The following SNAP91 variants were observed in gnomAD, a reference collection of about 807,000 sequenced individuals.
The protein encoded by SNAP91 is clathrin coat assembly protein AP180.
In SNAP91, 27 loss-of-function variants were observed where a neutral mutation model predicts 100.3. That is an observed-to-expected ratio of 0.27 (90% CI 0.20 to 0.37). The LOEUF is 0.37. SNAP91 is among the 10% of genes least tolerant of loss of function. The pLI is 1.00. For missense variants in SNAP91, 986 were observed against 1,123.7 expected, an observed-to-expected ratio of 0.88 and a Z score of 1.75; for synonymous variants, 404 against 398.6, an observed-to-expected ratio of 1.01 and a Z score of -0.16.
intron 8 of SNAP91, among the ~76,000 whole-genome samples, chr6:83,626,979 T>C (rs1191040083): frequency 6.6e-6 from 1 of 152,128 alleles, no homozygotes; most frequent in East Asian, 1.9e-4. Flanking sequence ...CAGTGTGATG[T>C]TGGCTGTGGG....
At chr6:83,606,908 G>A (rs1348896352) in intron 13 of SNAP91, among the ~76,000 whole-genome samples, 1 of 152,172 alleles carries the variant, frequency 6.6e-6, no homozygotes, top group Admixed American at 6.5e-5. Flanking sequence ...ATAGAAAGGA[G>A]TTGGTTATGC....
chr6:83,643,785 C>T (rs1220634078), intron 7 of SNAP91, among the ~76,000 whole-genome samples: 1 of 152,074 alleles, frequency 6.6e-6, no homozygotes, highest in Non-Finnish European at 1.5e-5. Flanking sequence ...TTACATGGAC[C>T]TCCCCTGTAG....
chr6:83,607,598 T>C, intron 13 of SNAP91, 101 bp downstream of exon 13: 1 of 683,068 alleles, frequency 1.5e-6, no homozygotes. Flanking sequence ...TTACTAGGAT[T>C]AGATTTCCTT....
chr6:83,564,647 G>A (rs1794068507), intron 26 of SNAP91, among the ~76,000 whole-genome samples: 1 of 152,046 alleles, frequency 6.6e-6, no homozygotes, highest in South Asian at 2.1e-4. Flanking sequence ...TTAGAGGCAT[G>A]AGCTGTTGTA....
intron 2 of SNAP91, among the ~76,000 whole-genome samples, chr6:83,687,210 G>A: frequency 6.6e-6 from 1 of 152,108 alleles, no homozygotes; most frequent in Non-Finnish European, 1.5e-5. Flanking sequence ...TAAAATATCA[G>A]TCACTTCAAA....
rs2094214917 is a variant in SNAP91 at position 83,594,413 on chromosome 6, T to C, written c.1393A>G (p.Thr465Ala). 1.9e-6 allele frequency: 3 copies of C among 1,553,246 alleles called. No individual in the cohort carries two copies. Among genetic ancestry groups the C allele is most frequent in the African/African-American group, 1.4e-5 (1 of 73,122 alleles). The change falls in exon 17 of 30, where the codon ACC (threonine) becomes GCC (alanine). Residue 465 changes from threonine (T) to alanine (A), a missense_variant. Around this residue, in one of 4 missense-constraint regions of SNAP91, gnomAD observed 575 missense variants for 579.9 expected, o/e 0.99. Transcript: ENST00000369694. ...SEGAAAPATP[T>A]PVAAALDACS... ...GCATCAAGTGCTGCTGCTACAGGGGTTGGGGTAGCTGGTGCGGCGGCCCCT... is the reference window on the plus strand; with the variant it reads ...GCATCAAGTGCTGCTGCTACAGGGGCTGGGGTAGCTGGTGCGGCGGCCCCT...
At chr6:83,691,614 C>T (rs142067910) in intron 2 of SNAP91, among the ~76,000 whole-genome samples, 15 of 152,166 alleles carry the variant, frequency 9.9e-5, no homozygotes, top group Admixed American at 9.8e-4. Flanking sequence ...TTGGCATTTA[C>T]GTCTTCAGCT....
At chr6:83,673,544 C>T (rs1488710408) in intron 2 of SNAP91, among the ~76,000 whole-genome samples, 2 of 152,214 alleles carry the variant, frequency 1.3e-5, no homozygotes, top group Non-Finnish European at 2.9e-5. Context: ...ACCTCCCTCC[C>T]TTCCTTGATC....
intron 22 of SNAP91, 95 bp from the exon 23 acceptor site, chr6:83,582,451 G>A: frequency 3.2e-6 from 4 of 1,268,948 alleles, no homozygotes; most frequent in South Asian, 1.6e-5. Context: ...AACTGAAAAG[G>A]AATTAATTGC....
chr6:83,678,685 C>T (rs1562631257), intron 2 of SNAP91: 10 of 1,140,488 alleles, frequency 8.8e-6, no homozygotes, highest in Non-Finnish European at 1.2e-5. Flanking sequence ...TGGATCTAAC[C>T]TTCTACCTTC....
chr6:83,557,588 C>T (rs1057387698), intron 28 of SNAP91, among the ~76,000 whole-genome samples: 1 of 152,062 alleles, frequency 6.6e-6, no homozygotes, highest in African/African-American at 2.4e-5. Flanking sequence ...GTGAGAGGAT[C>T]CCTGTTGCCT....
At position 83,593,647 on chromosome 6, in the gene SNAP91, G is replaced by C; in HGVS notation, c.1527C>G (p.Thr509=). 6.2e-7 allele frequency: 1 copy of C among 1,613,512 alleles called. No homozygotes were observed. The highest frequency in any genetic ancestry group is 8.5e-7 in the Non-Finnish European group (1 of 1,179,704). Residue 509 remains threonine (T), a synonymous_variant, in exon 18 of 30, where the codon ACC becomes ACG. Transcript: ENST00000369694. ...KPPETSVPVV[T]PTASTAPPVP... Reference sequence around the variant, plus strand: ...CTGGAGGGGCTGTGCTAGCTGTAGGGGTAACTACAGGAACACTGGTCTCAG... The same window carrying C: ...CTGGAGGGGCTGTGCTAGCTGTAGGCGTAACTACAGGAACACTGGTCTCAG...
At chr6:83,608,731 A>T (rs1350886666) in intron 12 of SNAP91, among the ~76,000 whole-genome samples, 1 of 152,122 alleles carries the variant, frequency 6.6e-6, no homozygotes, top group East Asian at 1.9e-4. Context: ...TCAGAAATTT[A>T]CAGAAATTTA....
chr6:83,598,823 A>C (rs1316309314), intron 16 of SNAP91, among the ~76,000 whole-genome samples: 1 of 152,180 alleles, frequency 6.6e-6, no homozygotes, highest in Non-Finnish European at 1.5e-5. Flanking sequence ...AAATTACAGA[A>C]AATCACTGAA....
intron 2 of SNAP91, among the ~76,000 whole-genome samples, chr6:83,692,986 G>T (rs570782199): frequency 5.3e-5 from 8 of 152,264 alleles, no homozygotes; most frequent in African/African-American, 1.9e-4. Flanking sequence ...TGTTGCCCAT[G>T]CTGGGTTTTA....
chr6:83,661,819 C>A (rs1353956233), intron 4 of SNAP91, among the ~76,000 whole-genome samples: 1 of 152,160 alleles, frequency 6.6e-6, no homozygotes, highest in African/African-American at 2.4e-5. Context: ...TTCCACCATT[C>A]CAGTACAGAA....
chr6:83,644,323 T>C (rs1325272358), intron 7 of SNAP91, among the ~76,000 whole-genome samples: 1 of 152,156 alleles, frequency 6.6e-6, no homozygotes, highest in Admixed American at 6.5e-5. Context: ...AATCTCATAA[T>C]TGTTTCTATA....
At chr6:83,665,757 A>G (rs1562573753) in intron 2 of SNAP91, among the ~76,000 whole-genome samples, 176 bp from the exon 3 acceptor site, 1 of 152,082 alleles carries the variant, frequency 6.6e-6, no homozygotes, top group African/African-American at 2.4e-5. Flanking sequence ...ACATGTACAT[A>G]TATTATTTAC....
chr6:83,626,313 TTTTGCTTAAG>T (rs1473096406), intron 8 of SNAP91, among the ~76,000 whole-genome samples: 1 of 152,170 alleles, frequency 6.6e-6, no homozygotes, highest in Non-Finnish European at 1.5e-5. Flanking sequence ...GCTTCGTTCT[TTTTGCTTAAG>T]ATTGCTTTGG....
Sources: allele counts gnomAD v4.1 joint callset (sites outside exome capture counted in the v4.1 genomes callset), GRCh38; gene constraint gnomAD v4.1.1; regional missense constraint gnomAD v4.1.1; transcripts MANE v1.5; gene names NCBI Gene and HGNC (gene_info 2026-07-23, HGNC 2026-07-21).